The following LRFN2 variants were observed in gnomAD, a reference collection of about 807,000 sequenced individuals.
LRFN2 encodes leucine-rich repeat and fibronectin type-III domain-containing protein 2.
A neutral mutation model predicts 37.3 loss-of-function variants in LRFN2; 18 were observed. That is an observed-to-expected ratio of 0.48 (90% CI 0.33 to 0.72). The LOEUF (loss-of-function observed/expected upper bound fraction) is 0.72, where lower values mean the gene tolerates loss of function less well. LRFN2 is among the 30% of genes least tolerant of loss of function. The probability of loss-of-function intolerance (pLI) is 0.02; values close to 1 mark genes in which losing one functional copy is unlikely to be tolerated. For synonymous variants in LRFN2, 556 were observed against 466.6 expected (o/e 1.19, Z -2.47); for missense variants, 1,006 against 1,060.7 (o/e 0.95, Z 0.72).
At chr6:40,492,406 ACT>A in intron 1 of LRFN2, among the ~76,000 whole-genome samples, 1 of 151,842 alleles carries the variant, frequency 6.6e-6, no homozygotes, top group South Asian at 2.1e-4. Context: ...CCTCTCTGGC[ACT>A]GAGCTGGAAG....
intron 1 of LRFN2, among the ~76,000 whole-genome samples, chr6:40,462,882 T>C (rs1316616255): frequency 1.3e-5 from 2 of 152,160 alleles, no homozygotes; most frequent in Non-Finnish European, 2.9e-5. Flanking sequence ...AGAATTGTGG[T>C]TGGGGAGATG....
At chr6:40,570,572 C>A (rs1767168962) in intron 1 of LRFN2, among the ~76,000 whole-genome samples, 1 of 152,110 alleles carries the variant, frequency 6.6e-6, no homozygotes, top group Admixed American at 6.5e-5. Flanking sequence ...TCACAGGCTG[C>A]AAGAGAGAAG....
At chr6:40,413,149 G>A (rs903066473) in intron 2 of LRFN2, among the ~76,000 whole-genome samples, 1 of 152,212 alleles carries the variant, frequency 6.6e-6, no homozygotes, top group Non-Finnish European at 1.5e-5. Context: ...ATTTGCAAGA[G>A]TGGTGAGTGA....
chr6:40,496,655 T>A (rs1273804574), intron 1 of LRFN2, among the ~76,000 whole-genome samples: 2 of 152,052 alleles, frequency 1.3e-5, no homozygotes, highest in Non-Finnish European at 2.9e-5. Context: ...AAGGGCCCCC[T>A]CCCTGACCTC....
Position 40,523,505 on chromosome 6 carries a change from A to ATTTT in LRFN2, c.-19+63432_-19+63435dup, listed in dbSNP as rs751179915. Among the ~76,000 whole-genome samples, 9 of 129,312 alleles carry ATTTT rather than the reference A, an allele frequency of 7.0e-5. 3 individuals are homozygous for ATTTT. The highest frequency in any genetic ancestry group is 8.3e-5 in the Non-Finnish European group (5 of 60,438). 84.8% of individuals were successfully genotyped at this position (129,312 alleles called of 152,430 possible). A position where few individuals can be genotyped will look rare whatever the true frequency, so the allele number is the denominator to read the frequency against. On this transcript the variant is annotated intron_variant, in intron 1 of 2. Coordinates refer to ENST00000338305, the MANE Select transcript of LRFN2 (RefSeq NM_020737.3). ...TAGGACCCTAAAGCATCTTTAGGTG[A>ATTTT]TTTTTTTTTTTTTTTTTTTTTTTTT...
chr6:40,401,593 G>A (rs555088101), intron 2 of LRFN2, among the ~76,000 whole-genome samples: 1 of 152,132 alleles, frequency 6.6e-6, no homozygotes, highest in Non-Finnish European at 1.5e-5. Flanking sequence ...TGCCTCCCCT[G>A]ACTAACAGAC....
In LRFN2 at chr6:40,505,766, C is replaced by T. The variant is rs569296407; in HGVS notation, c.-18-72635G>A. On this transcript the variant is annotated intron_variant, in intron 1 of 2. Coordinates refer to ENST00000338305, the MANE Select transcript of LRFN2 (RefSeq NM_020737.3). ...CCTCACACAGGTCTCACCTATCTTC[C>T]CCCCATGTCTTAAGATCATGCCTCC... Among the ~76,000 whole-genome samples the T allele has an allele frequency of 2.0e-5, 3 of 152,316 alleles. No individual in the cohort carries two copies. The East Asian group carries it at 5.8e-4, about 29-fold the overall frequency.
intron 1 of LRFN2, among the ~76,000 whole-genome samples, chr6:40,487,300 T>C (rs1764983275): frequency 6.6e-6 from 1 of 152,194 alleles, no homozygotes; most frequent in Non-Finnish European, 1.5e-5. Flanking sequence ...AGATCATTTA[T>C]GCCAATGAGC....
chr6:40,458,620 C>T (rs1018980466), intron 1 of LRFN2, among the ~76,000 whole-genome samples: 1 of 152,210 alleles, frequency 6.6e-6, no homozygotes, highest in African/African-American at 2.4e-5. Context: ...ATCCCTCCTC[C>T]AGGGTTGCTT....
At chr6:40,519,190 C>T (rs1765975012) in intron 1 of LRFN2, among the ~76,000 whole-genome samples, 1 of 152,198 alleles carries the variant, frequency 6.6e-6, no homozygotes, top group South Asian at 2.1e-4. Flanking sequence ...GTCCAACACA[C>T]AGCAGGTAAT....
chr6:40,418,003 G>A (rs2113811312), intron 2 of LRFN2, among the ~76,000 whole-genome samples: 1 of 152,246 alleles, frequency 6.6e-6, no homozygotes, highest in African/African-American at 2.4e-5. Flanking sequence ...CATCATGCCA[G>A]TCTCCTACTT....
At chr6:40,547,056 G>A (rs868752256) in intron 1 of LRFN2, among the ~76,000 whole-genome samples, 6 of 151,840 alleles carry the variant, frequency 4.0e-5, no homozygotes, top group Admixed American at 1.3e-4. Context: ...CATATTTTAC[G>A]GATGTAAGAG....
At chr6:40,535,157 G>A (rs1428457927) in intron 1 of LRFN2, among the ~76,000 whole-genome samples, 1 of 152,222 alleles carries the variant, frequency 6.6e-6, no homozygotes, top group Non-Finnish European at 1.5e-5. Flanking sequence ...GGAAGCCTCA[G>A]TGGCTGCCAC....
At position 40,392,259 on chromosome 6, in the gene LRFN2, C is replaced by A. The variant is rs1399822325; in HGVS notation, c.2054G>T (p.Gly685Val). 6.3e-7 allele frequency: 1 copy of A among 1,593,034 alleles called. No homozygotes were observed. The highest frequency in any genetic ancestry group is 2.2e-5 in the East Asian group (1 of 44,496). ...DSRTPAGRGA[G>V]TSARGHHSDR... ...CGAGTGGTGGCCCCGGGCCGACGTC[C>A]CAGCCCCTCTCCCGGCTGGAGTCCT... The change falls in exon 3 of 3, where the codon GGG becomes GTG. Residue 685 changes from glycine (G) to valine (V), a missense_variant. This residue lies in a region of LRFN2 where 398 missense variants were observed against 327.6 expected (regional missense o/e 1.21). Coordinates refer to ENST00000338305, the MANE Select transcript of LRFN2 (RefSeq NM_020737.3). The surrounding 1 kb of genome is among the most constrained non-coding windows in gnomAD (Gnocchi z 4.7).
chr6:40,494,336 G>A (rs9369208), intron 1 of LRFN2, among the ~76,000 whole-genome samples: 16,054 of 152,132 alleles, frequency 0.11, 1,437 homozygotes, highest in African/African-American at 0.24. Flanking sequence ...GCTGCTCAGG[G>A]CGGAGGTGAG....
At chr6:40,541,702 G>T (rs775642339) in intron 1 of LRFN2, among the ~76,000 whole-genome samples, 25 of 152,282 alleles carry the variant, frequency 1.6e-4, no homozygotes, top group Admixed American at 9.8e-4. Flanking sequence ...CCGACCACAG[G>T]TGTAGGTAAC....
At chr6:40,486,109 A>G (rs1764952922) in intron 1 of LRFN2, among the ~76,000 whole-genome samples, 2 of 152,186 alleles carry the variant, frequency 1.3e-5, no homozygotes, top group African/African-American at 2.4e-5. Context: ...CTCCAGGGGC[A>G]TACATTTTTT....
chr6:40,533,338 G>T (rs1485948157), intron 1 of LRFN2, among the ~76,000 whole-genome samples: 1 of 151,244 alleles, frequency 6.6e-6, no homozygotes, highest in African/African-American at 2.4e-5. Context: ...AAGTATATGA[G>T]TGGGATGTTT....
intron 1 of LRFN2, among the ~76,000 whole-genome samples, chr6:40,561,257 T>G (rs1313005373): frequency 6.6e-6 from 1 of 152,150 alleles, no homozygotes; most frequent in Non-Finnish European, 1.5e-5. Context: ...AAGACAGAGC[T>G]GTGTGGGGTG....
Sources: gnomAD v4.1 joint callset for allele counts (sites outside exome capture counted in the v4.1 genomes callset) on GRCh38, gnomAD v4.1.1 for gene constraint, gnomAD v4.1.1 regional missense constraint, Gnocchi (gnomAD v3.1) non-coding constraint, MANE v1.5 for transcripts, NCBI Gene and HGNC (gene_info 2026-07-23, HGNC 2026-07-21) for gene names.